Variants in NEGR1 observed in about 807,000 individuals in gnomAD.
NEGR1 encodes the protein neuronal growth regulator 1, also known as IgLON family member 4.
Under a neutral mutation model 40.9 loss-of-function variants are expected in NEGR1, and 10 were observed. The observed-to-expected ratio is 0.24, with a 90% CI of 0.15 to 0.42. NEGR1 has a LOEUF of 0.42. Ranked by LOEUF, NEGR1 falls within the 10% of genes least tolerant of loss-of-function variation. The pLI is 1.00. For missense variants in NEGR1, 352 were observed against 438.9 expected, an observed-to-expected ratio of 0.80 and a Z score of 1.77; for synonymous variants, 185 against 166.8, an observed-to-expected ratio of 1.11 and a Z score of -0.84.
chr1:71,416,372 T>A (rs1175091617), intron 6 of NEGR1, among the ~76,000 whole-genome samples: 1 of 152,154 alleles, frequency 6.6e-6, no homozygotes, highest in African/African-American at 2.4e-5. Flanking sequence ...TTCTGGAGTC[T>A]GCAACATCGT....
chr1:71,860,096 T>C (rs1659899228), intron 2 of NEGR1, among the ~76,000 whole-genome samples: 1 of 151,952 alleles, frequency 6.6e-6, no homozygotes, highest in African/African-American at 2.4e-5. Flanking sequence ...ATCCAGGTGA[T>C]ACGTGACCCT....
chr1:72,251,533 G>A (rs1276011702), intron 1 of NEGR1, among the ~76,000 whole-genome samples: 3 of 151,880 alleles, frequency 2.0e-5, no homozygotes, highest in Admixed American at 6.6e-5. Flanking sequence ...TATATAAAAC[G>A]GCATAATATT....
chr1:72,209,065 G>A (rs1365484153), intron 1 of NEGR1, among the ~76,000 whole-genome samples: 1 of 151,500 alleles, frequency 6.6e-6, no homozygotes, highest in Non-Finnish European at 1.5e-5. Flanking sequence ...TTATTTTGAA[G>A]TAACTGGACA....
intron 1 of NEGR1, among the ~76,000 whole-genome samples, chr1:72,058,259 G>T (rs549724780): frequency 1.3e-5 from 2 of 148,762 alleles, no homozygotes; most frequent in African/African-American, 4.9e-5. Context: ...TATCTAATAA[G>T]TTTTTTTTTT....
At chr1:72,254,526 C>T (rs1655201287) in intron 1 of NEGR1, among the ~76,000 whole-genome samples, 1 of 151,808 alleles carries the variant, frequency 6.6e-6, no homozygotes, top group African/African-American at 2.4e-5. Context: ...CACGATGAAA[C>T]CCCATCTCTA....
rs946984155 is a variant in NEGR1, at chr1:71,396,727, A to C, written c.*10719T>G. 1.9e-5 allele frequency: 3 copies of C among 155,528 alleles called. No homozygotes were observed. The highest frequency in any genetic ancestry group is 7.2e-5 in the African/African-American group (3 of 41,494). 9.6% of individuals were successfully genotyped at this position (155,528 alleles called of 1,614,324 possible). A position where few individuals can be genotyped will look rare whatever the true frequency, so the allele number is the denominator to read the frequency against. On this transcript the variant is annotated 3_prime_UTR_variant, in exon 7 of 7. Coordinates refer to ENST00000357731, the MANE Select transcript of NEGR1 (RefSeq NM_173808.3). ...TTATAAGCGGGAGTTTTCCTTCACA[A>C]GTTCTCTTCTCTTCTCTGCTGCCAT...
chr1:72,038,830 C>T (rs1646927399), intron 1 of NEGR1, among the ~76,000 whole-genome samples: 1 of 151,962 alleles, frequency 6.6e-6, no homozygotes, highest in Non-Finnish European at 1.5e-5. Context: ...GTATAAGACA[C>T]TGATAGGTTC....
intron 4 of NEGR1, among the ~76,000 whole-genome samples, chr1:71,636,911 T>G (rs2101569774): frequency 6.6e-6 from 1 of 152,172 alleles, no homozygotes; most frequent in Admixed American, 6.6e-5. Flanking sequence ...AGCCCAATAC[T>G]TTGAAGTCAC....
chr1:72,117,447 G>C (rs1170575839), intron 1 of NEGR1, among the ~76,000 whole-genome samples: 1 of 151,732 alleles, frequency 6.6e-6, no homozygotes, highest in African/African-American at 2.4e-5. Flanking sequence ...CCAGAATTTA[G>C]CAACACTCAC....
intron 3 of NEGR1, among the ~76,000 whole-genome samples, chr1:71,741,594 A>C (rs1655214508): frequency 6.6e-6 from 1 of 152,172 alleles, no homozygotes; most frequent in East Asian, 1.9e-4. Context: ...TCATACAAAA[A>C]ACCCTGATCC....
At chr1:71,407,886 C>T (rs1334061311) in intron 6 of NEGR1, 1 of 235,434 alleles carries the variant, frequency 4.2e-6, no homozygotes, top group East Asian at 9.8e-5. Flanking sequence ...TCAACAGCTA[C>T]TAACATTATT....
chr1:71,489,671 T>G (rs1646912528), intron 6 of NEGR1: 1 of 151,578 alleles, frequency 6.6e-6, no homozygotes. Context: ...AGAGCTTTTT[T>G]CTTTTTTCTT....
chr1:72,047,377 T>C (rs1341649123), intron 1 of NEGR1, among the ~76,000 whole-genome samples: 2 of 151,548 alleles, frequency 1.3e-5, no homozygotes, highest in Non-Finnish European at 3.0e-5. Flanking sequence ...GTCATTCAAT[T>C]TTAATGAGTA....
intron 1 of NEGR1, among the ~76,000 whole-genome samples, chr1:72,126,296 C>A (rs573067346): frequency 4.6e-5 from 7 of 151,940 alleles, no homozygotes; most frequent in Non-Finnish European, 4.4e-5. Flanking sequence ...AATTACAAAA[C>A]AAAATTTACA....
intron 2 of NEGR1, among the ~76,000 whole-genome samples, chr1:71,913,867 A>AG: frequency 6.6e-6 from 1 of 152,150 alleles, no homozygotes; most frequent in South Asian, 2.1e-4. Context: ...AAAAAAAAAA[A>AG]AAACAGTGAT....
chr1:71,513,368 T>C (rs887137090), intron 6 of NEGR1, among the ~76,000 whole-genome samples: 3 of 152,194 alleles, frequency 2.0e-5, no homozygotes, highest in African/African-American at 7.2e-5. Flanking sequence ...ATTTAGGGTC[T>C]GGGTCTCAGT....
chr1:71,944,581 G>A (rs538645142), intron 1 of NEGR1, among the ~76,000 whole-genome samples: 3 of 118,388 alleles, frequency 2.5e-5, no homozygotes, highest in South Asian at 2.3e-4. Context: ...AACATAACAC[G>A]GATGGATATA....
chr1:72,106,819 A>G (rs1649152374), intron 1 of NEGR1, among the ~76,000 whole-genome samples: 1 of 151,932 alleles, frequency 6.6e-6, no homozygotes, highest in Admixed American at 6.6e-5. Context: ...TACCATCAAA[A>G]TTTTCAGTGT....
intron 1 of NEGR1, among the ~76,000 whole-genome samples, chr1:72,101,889 A>G (rs1648961316): frequency 6.6e-6 from 1 of 152,152 alleles, no homozygotes; most frequent in Admixed American, 6.6e-5. Flanking sequence ...CTGTTTTTAT[A>G]CTACTTGGTT....
Sources: gnomAD v4.1 joint callset for allele counts (sites outside exome capture counted in the v4.1 genomes callset) on GRCh38, gnomAD v4.1.1 for gene constraint, MANE v1.5 for transcripts, NCBI Gene and HGNC (gene_info 2026-07-23, HGNC 2026-07-21) for gene names.